The following NR2C1 variants were observed in gnomAD, a reference collection of about 807,000 sequenced individuals.
NR2C1 encodes nuclear receptor subfamily 2 group C member 1.
A neutral mutation model predicts 74.8 loss-of-function variants in NR2C1; 33 were observed. The ratio of observed to expected loss-of-function variants is 0.44; its 90% CI spans 0.33 to 0.59. The LOEUF (loss-of-function observed/expected upper bound fraction) is 0.59. Ranked by LOEUF, NR2C1 falls within the 20% of genes least tolerant of loss-of-function variation. The pLI is 0.02. For missense variants in NR2C1, 568 were observed against 715.6 expected (o/e 0.79, Z 2.35); for synonymous variants, 225 against 240.6 (o/e 0.94, Z 0.60).
intron 1 of NR2C1, among the ~76,000 whole-genome samples, chr12:95,069,113 C>T (rs1267044481): frequency 6.6e-6 from 1 of 152,164 alleles, no homozygotes; most frequent in Non-Finnish European, 1.5e-5. Flanking sequence ...GTGTTTGATG[C>T]TTTTAAATTT....
intron 10 of NR2C1, among the ~76,000 whole-genome samples, chr12:95,038,235 C>G (rs1241825966): frequency 6.6e-6 from 1 of 152,132 alleles, no homozygotes; most frequent in African/African-American, 2.4e-5. Context: ...TTTGGTTTCT[C>G]AACATCTGCG....
At chr12:95,071,960 C>G (rs944959699) in intron 1 of NR2C1, among the ~76,000 whole-genome samples, 1 of 151,388 alleles carries the variant, frequency 6.6e-6, no homozygotes, top group Non-Finnish European at 1.5e-5. Context: ...GTTGGTCAGG[C>G]TGGTCTCGAA....
chr12:95,054,903 C>T (rs965538944), intron 7 of NR2C1, among the ~76,000 whole-genome samples: 1 of 152,132 alleles, frequency 6.6e-6, no homozygotes, highest in Non-Finnish European at 1.5e-5. Flanking sequence ...GACCCTGCAG[C>T]GTTCCACAGT....
chr12:95,070,793 T>G (rs58409392), intron 1 of NR2C1, among the ~76,000 whole-genome samples: 2,051 of 152,300 alleles, frequency 0.013, 40 homozygotes, highest in African/African-American at 0.046. Flanking sequence ...TTCCCCCTAT[T>G]CTCATTTCCT....
At chr12:95,048,646 C>G (rs1872606323) in intron 9 of NR2C1, among the ~76,000 whole-genome samples, 1 of 120,774 alleles carries the variant, frequency 8.3e-6, no homozygotes. Context: ...TTTTTTGAGA[C>G]AGAGTTTTGC....
chr12:95,048,195 C>T (rs377564878), intron 9 of NR2C1, among the ~76,000 whole-genome samples: 18 of 151,950 alleles, frequency 1.2e-4, no homozygotes, highest in Admixed American at 9.2e-4. Context: ...CAAAGTACTG[C>T]GATGACAGGT....
rs146637878 is a variant in NR2C1, at chr12:95,057,639, T to C, written c.697A>G (p.Thr233Ala). ...AACATTCCTGAATCTAACAGTCCTG[T>C]TGACCTGTAACAAATCAGCACAAAT... ...FVTDSESTRS[T>A]GLLDSGMFMN... Residue 233 changes from threonine to alanine, a missense_variant, in exon 7 of 14, where the codon ACA becomes GCA. This residue lies in a region of NR2C1 where 239 missense variants were observed against 232.3 expected (regional missense o/e 1.03). Transcript: ENST00000333003. 8.7e-5 allele frequency: 141 copies of C among 1,613,584 alleles called. 1 individual carries two copies. The African/African-American group carries it at 1.7e-3, about 19-fold the overall frequency.
intron 1 of NR2C1, among the ~76,000 whole-genome samples, chr12:95,071,491 T>G (rs1373940622): frequency 6.6e-6 from 1 of 152,112 alleles, no homozygotes. Flanking sequence ...GAGTAGGGAT[T>G]ATACATTGTG....
At chr12:95,068,283 G>C (rs958174570) in intron 1 of NR2C1, among the ~76,000 whole-genome samples, 1 of 152,054 alleles carries the variant, frequency 6.6e-6, no homozygotes, top group Non-Finnish European at 1.5e-5. Flanking sequence ...ACACTCTAAT[G>C]AACTAATTTT....
intron 2 of NR2C1, chr12:95,067,065 TCTTTA>T (rs1339804226): frequency 1.2e-5 from 6 of 508,264 alleles, no homozygotes; most frequent in Non-Finnish European, 2.1e-5. Context: ...ACTCTACAGC[TCTTTA>T]ATTTCTTTCC....
At chr12:95,043,089 C>A (rs1336023890) in intron 9 of NR2C1, among the ~76,000 whole-genome samples, 1 of 151,732 alleles carries the variant, frequency 6.6e-6, no homozygotes, top group Non-Finnish European at 1.5e-5. Flanking sequence ...CACAGTAAGA[C>A]CTCATCTCTA....
intron 7 of NR2C1, among the ~76,000 whole-genome samples, chr12:95,053,962 C>T (rs779009595): frequency 1.3e-5 from 2 of 152,132 alleles, no homozygotes; most frequent in Non-Finnish European, 2.9e-5. Flanking sequence ...GGATTACAGG[C>T]GTGAGCCACT....
At chr12:95,028,904 C>T (rs575186591) in intron 11 of NR2C1, among the ~76,000 whole-genome samples, 16 of 152,260 alleles carry the variant, frequency 1.1e-4, no homozygotes, top group African/African-American at 3.9e-4. Context: ...CTTGGGATTA[C>T]AGGTGTGAGC....
At chr12:95,050,437 T>C (rs1166650616) in intron 8 of NR2C1, among the ~76,000 whole-genome samples, 1 of 152,070 alleles carries the variant, frequency 6.6e-6, no homozygotes, top group Non-Finnish European at 1.5e-5. Context: ...GCCTACCAAG[T>C]AGCTGGGATT....
intron 10 of NR2C1, among the ~76,000 whole-genome samples, chr12:95,039,204 T>G (rs1371411239): frequency 1.3e-5 from 2 of 152,226 alleles, no homozygotes; most frequent in African/African-American, 4.8e-5. Flanking sequence ...AGCACATGAT[T>G]TAATGCATAG....
chr12:95,024,455 C>T (rs1032373115), intron 13 of NR2C1, among the ~76,000 whole-genome samples: 2 of 152,028 alleles, frequency 1.3e-5, no homozygotes, highest in African/African-American at 2.4e-5. Context: ...ATTAACCCCT[C>T]GGCTATAATA....
intron 7 of NR2C1, among the ~76,000 whole-genome samples, chr12:95,056,129 A>G (rs912307079): frequency 4.0e-5 from 6 of 151,422 alleles, no homozygotes; most frequent in South Asian, 2.1e-4. Flanking sequence ...AGCCAGGCAC[A>G]GTGTCACGTG....
intron 11 of NR2C1, among the ~76,000 whole-genome samples, chr12:95,029,908 G>A (rs1290287582): frequency 2.0e-5 from 3 of 151,952 alleles, no homozygotes; most frequent in Admixed American, 6.6e-5. Context: ...TCACTCTGTT[G>A]TCCAAGCTAG....
At chr12:95,067,297 G>A (rs754000603) in intron 2 of NR2C1, 34 bp downstream of exon 2, 2 of 1,582,628 alleles carry the variant, frequency 1.3e-6, no homozygotes, top group East Asian at 4.5e-5. Context: ...GAAAAGTTTG[G>A]TGGGCCAGTG....
Sources: gnomAD v4.1 joint callset for allele counts (sites outside exome capture counted in the v4.1 genomes callset) on GRCh38, gnomAD v4.1.1 for gene constraint, gnomAD v4.1.1 regional missense constraint, MANE v1.5 for transcripts, NCBI Gene and HGNC (gene_info 2026-07-23, HGNC 2026-07-21) for gene names.